Variants in PDE1A observed in about 807,000 individuals in gnomAD.
The protein encoded by PDE1A is dual specificity calcium/calmodulin-dependent 3',5'-cyclic nucleotide phosphodiesterase 1A.
A neutral mutation model predicts 61.7 loss-of-function variants in PDE1A; 35 were observed. The observed-to-expected ratio is 0.57, with a 90% confidence interval of 0.43 to 0.75. The LOEUF is 0.75. Ranked by LOEUF, PDE1A falls within the 30% of genes least tolerant of loss-of-function variation. The pLI is 0.00. For missense variants in PDE1A, 597 were observed against 630.6 expected (o/e 0.95, Z 0.57); for synonymous variants, 232 against 213.2 (o/e 1.09, Z -0.77).
chr2:182,534,131 T>C, the PDE1A span, among the ~76,000 whole-genome samples: 1 of 152,072 alleles, frequency 6.6e-6, no homozygotes, highest in African/African-American at 2.4e-5. Context: ...TATAAAAGTA[T>C]ATACTCCTTT....
At chr2:182,242,894 CT>C (rs34025940) in intron 2 of PDE1A, among the ~76,000 whole-genome samples, 7,194 of 93,572 alleles carry the variant, frequency 0.077, 461 homozygotes, top group African/African-American at 0.2. Flanking sequence ...CTCTCTCTCT[CT>C]CTCCCTCTCT....
At chr2:182,172,186 T>G (rs1474143701) in intron 13 of PDE1A, among the ~76,000 whole-genome samples, 1 of 152,022 alleles carries the variant, frequency 6.6e-6, no homozygotes, top group Non-Finnish European at 1.5e-5. Context: ...TTCATTTATG[T>G]GGACTCACCA....
intron 1 of PDE1A, among the ~76,000 whole-genome samples, chr2:182,265,255 CTAAA>C (rs1290213280): frequency 4.0e-5 from 6 of 151,424 alleles, no homozygotes; most frequent in South Asian, 2.1e-4. Context: ...AAAAAAACTA[CTAAA>C]TAAATAAAAA....
chr2:182,264,207 C>G (rs189883179), intron 2 of PDE1A, 94 bp downstream of exon 2: 1 of 782,850 alleles, frequency 1.3e-6, no homozygotes, highest in Non-Finnish European at 2.1e-6. Context: ...GGAAGATATG[C>G]TAAATTCCTG....
At chr2:182,153,998 T>G in intron 13 of PDE1A, among the ~76,000 whole-genome samples, 1 of 152,230 alleles carries the variant, frequency 6.6e-6, no homozygotes, top group South Asian at 2.1e-4. Context: ...ACAAATTAAC[T>G]GTAGAATATT....
intron 2 of PDE1A, among the ~76,000 whole-genome samples, chr2:182,494,664 AC>A (rs1226034783): frequency 6.6e-6 from 1 of 151,978 alleles, no homozygotes; most frequent in Admixed American, 6.6e-5. Flanking sequence ...ATGCCCAACG[AC>A]CAATGTAATA....
At chr2:182,623,293 G>T in the PDE1A span, among the ~76,000 whole-genome samples, 1 of 152,210 alleles carries the variant, frequency 6.6e-6, no homozygotes, top group Non-Finnish European at 1.5e-5. Flanking sequence ...ATTGCATGTA[G>T]AGAGAAGTTT....
At chr2:182,444,628 T>A (rs1047707206) in intron 2 of PDE1A, among the ~76,000 whole-genome samples, 1 of 151,998 alleles carries the variant, frequency 6.6e-6, no homozygotes, top group Non-Finnish European at 1.5e-5. Flanking sequence ...TATCTCTCTC[T>A]CTCTTTCTCT....
At chr2:182,161,407 G>GGAGCT (rs75944655) in intron 13 of PDE1A, among the ~76,000 whole-genome samples, 63,034 of 151,572 alleles carry the variant, frequency 0.42, 13,503 homozygotes, top group East Asian at 0.63. Context: ...TGATCCTGAT[G>GGAGCT]GGGGGCATTG....
chr2:182,238,100 C>T (rs1397259329), intron 3 of PDE1A, among the ~76,000 whole-genome samples: 1 of 151,688 alleles, frequency 6.6e-6, no homozygotes, highest in Non-Finnish European at 1.5e-5. Context: ...AACCCCGTCT[C>T]TACTAAAAAT....
chr2:182,600,729 AAATATATAC>A, the PDE1A span, among the ~76,000 whole-genome samples: 3 of 152,224 alleles, frequency 2.0e-5, no homozygotes, highest in African/African-American at 4.8e-5. Context: ...CACTTTGTAA[AAATATATAC>A]AATGTTTTTA....
At chr2:182,405,106 G>A (rs1702229482) in intron 1 of PDE1A, among the ~76,000 whole-genome samples, 1 of 152,114 alleles carries the variant, frequency 6.6e-6, no homozygotes, top group Non-Finnish European at 1.5e-5. Context: ...ATGTCACTAA[G>A]CAATAGGATT....
intron 1 of PDE1A, among the ~76,000 whole-genome samples, chr2:182,385,934 C>T (rs1276497609): frequency 1.3e-5 from 2 of 152,062 alleles, no homozygotes; most frequent in Non-Finnish European, 2.9e-5. Flanking sequence ...GTACTGCTGC[C>T]ATCTCGGCTC....
chr2:182,434,068 C>T (rs1035947916), intron 2 of PDE1A, among the ~76,000 whole-genome samples: 2 of 152,058 alleles, frequency 1.3e-5, no homozygotes, highest in African/African-American at 4.8e-5. Flanking sequence ...ACAAATGTAT[C>T]TGTTCAATGC....
At chr2:182,143,308 T>C (rs1490561632), downstream of PDE1A, among the ~76,000 whole-genome samples, 6 of 76,824 alleles carry the variant, frequency 7.8e-5, no homozygotes, top group Admixed American at 2.9e-4. Context: ...CATTCCACAA[T>C]TTCAAAAAAA....
chr2:182,714,732 T>C, the PDE1A span, among the ~76,000 whole-genome samples: 1 of 152,114 alleles, frequency 6.6e-6, no homozygotes, highest in Non-Finnish European at 1.5e-5. Context: ...CTTATTTTTG[T>C]ATTTTTAGTA....
chr2:182,254,194 T>G (rs1254996388), intron 2 of PDE1A, among the ~76,000 whole-genome samples: 1 of 152,078 alleles, frequency 6.6e-6, no homozygotes, highest in Non-Finnish European at 1.5e-5. Context: ...TGAAAGTTTG[T>G]AGAAAGTAAC....
At chr2:182,161,670 G>A (rs1691388632) in intron 13 of PDE1A, among the ~76,000 whole-genome samples, 1 of 152,106 alleles carries the variant, frequency 6.6e-6, no homozygotes, top group South Asian at 2.1e-4. Context: ...CAGAGGGGAG[G>A]TTCAGAGTGT....
upstream of PDE1A, among the ~76,000 whole-genome samples, chr2:182,431,121 TAAAAA>T (rs538631665): frequency 5.5e-3 from 670 of 121,510 alleles, 3 homozygotes; most frequent in African/African-American, 0.015. Context: ...AAAAAAACAT[TAAAAA>T]AAAAAAAAAA....
Sources: gnomAD v4.1 joint callset for allele counts (sites outside exome capture counted in the v4.1 genomes callset) on GRCh38, gnomAD v4.1.1 for gene constraint, MANE v1.5 for transcripts, NCBI Gene and HGNC (gene_info 2026-07-23, HGNC 2026-07-21) for gene names.